The following ENAH variants were observed in gnomAD, a reference collection of about 807,000 sequenced individuals.
ENAH encodes protein enabled homolog.
ENAH carries 23 observed loss-of-function variants against 78.7 expected under a neutral mutation model. The observed-to-expected ratio is 0.29, with a 90% confidence interval of 0.21 to 0.41. The LOEUF is 0.41. Ranked by LOEUF, ENAH falls within the 10% of genes least tolerant of loss-of-function variation. ENAH has a pLI of 1.00. For missense variants in ENAH, 544 were observed against 691.0 expected (o/e 0.79, Z 2.39); for synonymous variants, 226 against 241.0 (o/e 0.94, Z 0.58).
chr1:225,634,255 C>T (rs1659643745), intron 1 of ENAH, among the ~76,000 whole-genome samples: 1 of 152,168 alleles, frequency 6.6e-6, no homozygotes, highest in African/African-American at 2.4e-5. Context: ...GGCATGAATG[C>T]CACCTCATCT....
chr1:225,580,769 T>C (rs1481716815), intron 1 of ENAH, among the ~76,000 whole-genome samples: 1 of 151,606 alleles, frequency 6.6e-6, no homozygotes, highest in Non-Finnish European at 1.5e-5. Context: ...AATACAAAAA[T>C]TAGCCAGCCA....
At chr1:225,548,608 T>A (rs2151382175) in intron 3 of ENAH, among the ~76,000 whole-genome samples, 1 of 152,308 alleles carries the variant, frequency 6.6e-6, no homozygotes, top group East Asian at 1.9e-4. Flanking sequence ...CCCAATCCCC[T>A]TTGTGCCTCC....
intron 1 of ENAH, among the ~76,000 whole-genome samples, chr1:225,616,023 C>T (rs1480859852): frequency 6.6e-6 from 1 of 152,110 alleles, no homozygotes; most frequent in Non-Finnish European, 1.5e-5. Flanking sequence ...TAATCTATAA[C>T]CTTACCCCCA....
chr1:225,578,006 T>C (rs1302914693), intron 1 of ENAH, among the ~76,000 whole-genome samples: 1 of 152,158 alleles, frequency 6.6e-6, no homozygotes, highest in African/African-American at 2.4e-5. Context: ...ATTCAATAAA[T>C]GTGACTCAGG....
chr1:225,496,834 T>C lies in ENAH; in HGVS notation c.*941A>G, dbSNP rs543009880. On this transcript the variant is annotated 3_prime_UTR_variant, in exon 14 of 14. Coordinates refer to ENST00000366843, the MANE Select transcript of ENAH (RefSeq NM_018212.6). ...CACTCCCCTATACTCTACAAAATGTTTTCCCTGGGACTAGGCCTTGAAAAG... is the reference window on the plus strand; with the variant it reads ...CACTCCCCTATACTCTACAAAATGTCTTCCCTGGGACTAGGCCTTGAAAAG... 21 of 152,764 alleles carry C rather than the reference T, an allele frequency of 1.4e-4. No homozygotes were observed. The highest frequency in any genetic ancestry group is 1.2e-3 in the Admixed American group (19 of 15,310). 9.5% of individuals were successfully genotyped at this position (152,764 alleles called of 1,614,324 possible).
In ENAH at chr1:225,491,654, T is replaced by C. The variant is rs903712585; in HGVS notation, c.*6121A>G. 1.3e-5 allele frequency: 2 copies of C among 152,216 alleles called. No homozygotes were observed. The highest frequency in any genetic ancestry group is 2.9e-5 in the Non-Finnish European group (2 of 68,048). 9.4% of individuals were successfully genotyped at this position (152,216 alleles called of 1,614,324 possible). A position where few individuals can be genotyped will look rare whatever the true frequency, so the allele number is the denominator to read the frequency against. On this transcript the variant is annotated 3_prime_UTR_variant, in exon 14 of 14. Transcript: ENST00000366843. ...TAAGCCAAGAACCTTTTCTCTCAGT[T>C]TCTATAGACTTGGATGGAAACTTTT... is the stretch of plus-strand genomic sequence containing the variant.
At chr1:225,526,328 C>A (rs2096504462) in intron 4 of ENAH, among the ~76,000 whole-genome samples, 1 of 150,786 alleles carries the variant, frequency 6.6e-6, no homozygotes, top group South Asian at 2.1e-4. Flanking sequence ...TTCTTTCTTT[C>A]TCTCTCTCTC....
intron 1 of ENAH, among the ~76,000 whole-genome samples, chr1:225,632,938 A>T (rs1289572545): frequency 6.6e-6 from 1 of 152,208 alleles, no homozygotes. Context: ...CTTGACATTA[A>T]TGAAGACATG....
intron 1 of ENAH, among the ~76,000 whole-genome samples, chr1:225,611,893 G>T (rs1004904477): frequency 3.3e-5 from 5 of 152,202 alleles, no homozygotes; most frequent in African/African-American, 1.2e-4. Flanking sequence ...CACTAGGATG[G>T]CTATCATAAA....
chr1:225,640,768 G>T (rs559910595), intron 1 of ENAH, among the ~76,000 whole-genome samples: 1 of 151,838 alleles, frequency 6.6e-6, no homozygotes, highest in Non-Finnish European at 1.5e-5. Context: ...CAATAACAGC[G>T]ATTACATTTT....
intron 1 of ENAH, among the ~76,000 whole-genome samples, chr1:225,597,155 C>T (rs1038345585): frequency 1.4e-4 from 21 of 152,030 alleles, no homozygotes; most frequent in Non-Finnish European, 2.2e-4. Flanking sequence ...TCCATTCCGC[C>T]GTGAACCAAG....
At chr1:225,532,434 G>A (rs955228560) in intron 3 of ENAH, among the ~76,000 whole-genome samples, 13 of 152,240 alleles carry the variant, frequency 8.5e-5, no homozygotes, top group Admixed American at 6.5e-4. Context: ...ACAGCTGAAT[G>A]TGAGTAGGTT....
chr1:225,547,143 C>T (rs1382990336), intron 3 of ENAH, among the ~76,000 whole-genome samples: 3 of 151,842 alleles, frequency 2.0e-5, no homozygotes, highest in African/African-American at 7.3e-5. Context: ...GCAATCTCGG[C>T]TCATTGCAAC....
In ENAH at chr1:225,564,729, G is replaced by A. The variant is rs1398598129; in HGVS notation, c.171+2520C>T. Among the ~76,000 whole-genome samples the A allele has an allele frequency of 3.3e-5, 5 of 152,140 alleles. No homozygotes were observed. In the East Asian group the frequency reaches 7.7e-4, roughly 23 times the overall value. On this transcript the variant is annotated intron_variant, in intron 2 of 13. Coordinates refer to ENST00000366843, the MANE Select transcript of ENAH (RefSeq NM_018212.6). ...TGGGATTACAGGTGTGAGCCACCAC[G>A]CCAGCTAGTTTATCTTTTCAATGAA...
chr1:225,609,337 T>C (rs1168554819), intron 1 of ENAH, among the ~76,000 whole-genome samples: 1 of 151,896 alleles, frequency 6.6e-6, no homozygotes, highest in African/African-American at 2.4e-5. Context: ...CAAAAAGCTG[T>C]TTCAAAAAAA....
intron 1 of ENAH, among the ~76,000 whole-genome samples, chr1:225,577,320 G>A (rs1418652880): frequency 6.6e-6 from 1 of 151,908 alleles, no homozygotes; most frequent in African/African-American, 2.4e-5. Context: ...TAAGAATCAG[G>A]AGAAAAAATT....
chr1:225,531,524 T>A (rs2096537321), intron 3 of ENAH, among the ~76,000 whole-genome samples: 1 of 152,068 alleles, frequency 6.6e-6, no homozygotes, highest in Non-Finnish European at 1.5e-5. Flanking sequence ...TAAAGTCTAA[T>A]CCAGTAAACA....
chr1:225,499,247 G>A lies in ENAH; in HGVS notation c.1618-843C>T, dbSNP rs771515060. ...CACGCCACTGCACTCCAGCCTCGGC[G>A]ACAAAGCGAGACTCTGTCTCAAAAA... is the stretch of plus-strand genomic sequence containing the variant. On this transcript the variant is annotated intron_variant, in intron 12 of 13. Transcript: ENST00000366843. Among the ~76,000 whole-genome samples the A allele has an allele frequency of 8.6e-5, 13 of 150,742 alleles. No individual in the cohort carries two copies. The East Asian group carries it at 9.9e-4, about 12-fold the overall frequency.
chr1:225,532,317 A>G (rs1247035371), intron 3 of ENAH, among the ~76,000 whole-genome samples: 1 of 152,058 alleles, frequency 6.6e-6, no homozygotes, highest in African/African-American at 2.4e-5. Flanking sequence ...ACTAAATGTG[A>G]GCATTTAGCA....
Sources: gnomAD v4.1 joint callset for allele counts (sites outside exome capture counted in the v4.1 genomes callset) on GRCh38, gnomAD v4.1.1 for gene constraint, MANE v1.5 for transcripts, NCBI Gene and HGNC (gene_info 2026-07-23, HGNC 2026-07-21) for gene names.